IQCK: variants seen among roughly 807,000 people sequenced by gnomAD.
IQCK encodes IQ motif containing K, also known as IQ domain-containing protein K.
In IQCK, 29 loss-of-function variants were observed where a neutral mutation model predicts 28.1. The observed-to-expected ratio is 1.03, with a 90% CI of 0.77 to 1.41. The LOEUF is 1.41. IQCK is among the 40% of genes most tolerant of loss of function. The pLI is 0.00. For missense variants in IQCK, 359 were observed against 314.7 expected, an observed-to-expected ratio of 1.14 and a Z score of -1.07; for synonymous variants, 113 against 115.1, an observed-to-expected ratio of 0.98 and a Z score of 0.12.
intron 2 of IQCK, among the ~76,000 whole-genome samples, chr16:19,731,164 G>T (rs573541931): frequency 3.9e-4 from 59 of 152,324 alleles, no homozygotes; most frequent in African/African-American, 1.3e-3. Flanking sequence ...GTTGCAGACA[G>T]ACCAAGTTTC....
chr16:19,756,533 T>G (rs2055054546), intron 4 of IQCK, among the ~76,000 whole-genome samples: 1 of 152,110 alleles, frequency 6.6e-6, no homozygotes, highest in Non-Finnish European at 1.5e-5. Flanking sequence ...GGTAGAGCCT[T>G]TGGGAGGTGA....
intron 7 of IQCK, among the ~76,000 whole-genome samples, chr16:19,822,853 T>C (rs970723190): frequency 3.9e-5 from 6 of 152,284 alleles, no homozygotes; most frequent in African/African-American, 1.4e-4. Context: ...TTATGCTACG[T>C]GTATTTGACC....
chr16:19,770,646 A>G (rs1325287566), intron 6 of IQCK, among the ~76,000 whole-genome samples: 1 of 151,664 alleles, frequency 6.6e-6, no homozygotes, highest in Non-Finnish European at 1.5e-5. Flanking sequence ...GGGGGGTGAC[A>G]GGGTCTAACT....
intron 4 of IQCK, among the ~76,000 whole-genome samples, chr16:19,738,077 T>C (rs1406113670): frequency 6.6e-6 from 1 of 152,246 alleles, no homozygotes; most frequent in Non-Finnish European, 1.5e-5. Flanking sequence ...ATTTTATGCA[T>C]GTCTGTCTCC....
chr16:19,780,018 CTTATTTATTTATTTAT>C (rs57997707), intron 6 of IQCK, among the ~76,000 whole-genome samples: 145 of 128,916 alleles, frequency 1.1e-3, no homozygotes, highest in African/African-American at 3.9e-3. Flanking sequence ...CGTGCCCAGC[CTTATTTATTTATTTAT>C]TTATTTATTT....
At chr16:19,826,980 C>A in intron 7 of IQCK, 46 bp from the exon 8 acceptor site, 1 of 1,226,550 alleles carries the variant, frequency 8.2e-7, no homozygotes, top group Non-Finnish European at 1.2e-6. Context: ...AGCTAGTGTA[C>A]AGAAGTGTGT....
chr16:19,809,881 C>T (rs1317292143), intron 7 of IQCK, among the ~76,000 whole-genome samples: 1 of 152,158 alleles, frequency 6.6e-6, no homozygotes, highest in African/African-American at 2.4e-5. Flanking sequence ...CAGATGCTGC[C>T]AGTCTACGGA....
Position 19,740,983 on chromosome 16 carries a change from A to G in IQCK, c.474+5533A>G, listed in dbSNP as rs1006639013. Among the ~76,000 whole-genome samples, 3 of 150,890 alleles carry G rather than the reference A, an allele frequency of 2.0e-5. No homozygotes were observed. In the South Asian group the frequency reaches 6.3e-4, roughly 32 times the overall value. On this transcript the variant is annotated intron_variant, in intron 4 of 7. Transcript: ENST00000564186. ...ACTCCATCTAAAAAAAAAAAAAAAAAGAATATCTACAAGCAGGATGAAGCA... is the reference window on the plus strand; with the variant it reads ...ACTCCATCTAAAAAAAAAAAAAAAAGGAATATCTACAAGCAGGATGAAGCA...
At chr16:19,850,358 G>A (rs2056467385) in intron 9 of IQCK, among the ~76,000 whole-genome samples, 1 of 152,128 alleles carries the variant, frequency 6.6e-6, no homozygotes, top group Non-Finnish European at 1.5e-5. Context: ...TAAAACTGGG[G>A]AAAATAATAG....
intron 7 of IQCK, among the ~76,000 whole-genome samples, chr16:19,820,331 A>G (rs1255384073): frequency 6.6e-6 from 1 of 152,174 alleles, no homozygotes; most frequent in African/African-American, 2.4e-5. Flanking sequence ...AGCCTGGCCA[A>G]CATGGCAAAA....
chr16:19,728,711 GAT>G lies in IQCK; in HGVS notation c.182-1717_182-1716del, dbSNP rs559934844. ...GACTCCTGACTCAGGGGAATTATGA[GAT>G]AATAAATTTGTGTTCCTTTATGTCA... On this transcript the variant is annotated intron_variant, in intron 1 of 7. Transcript: ENST00000564186. 9.5e-4 allele frequency among the ~76,000 whole-genome samples: 144 copies of G among 152,304 alleles called. 2 individuals carry two copies. Among genetic ancestry groups the G allele is most frequent in the African/African-American group, 3.4e-3 (142 of 41,572 alleles).
intron 9 of IQCK, among the ~76,000 whole-genome samples, chr16:19,840,745 A>AC (rs1157974866): frequency 1.3e-5 from 2 of 152,172 alleles, no homozygotes; most frequent in African/African-American, 4.8e-5. Flanking sequence ...ACATAGCAGA[A>AC]CCAAGCAGCT....
In IQCK at chr16:19,826,911, A is replaced by T; in HGVS notation, c.691-115A>T. 3 of 713,096 alleles carry T rather than the reference A, an allele frequency of 4.2e-6. No homozygotes were observed. In the South Asian group the frequency reaches 5.0e-5, roughly 12 times the overall value. The allele number at this position is 713,096 out of a possible 1,614,324, so 44.2% of individuals were successfully genotyped here. A position where few individuals can be genotyped will look rare whatever the true frequency, so the allele number is the denominator to read the frequency against. ...AATAATTCATTTAGGACGATGATTC[A>T]TTGAGAATCAAAAGTACATCCAACT... On this transcript the variant is annotated intron_variant, in intron 7 of 7. Coordinates refer to ENST00000564186, the Ensembl canonical transcript of IQCK.
At chr16:19,810,313 G>A (rs552933070) in intron 7 of IQCK, among the ~76,000 whole-genome samples, 76 of 151,330 alleles carry the variant, frequency 5.0e-4, no homozygotes, top group Non-Finnish European at 8.1e-4. Context: ...TGGCTAACAC[G>A]GTGAAACCCT....
chr16:19,786,647 G>A (rs62025024), intron 6 of IQCK, among the ~76,000 whole-genome samples: 20,674 of 139,956 alleles, frequency 0.15, 1,852 homozygotes, highest in South Asian at 0.25. Context: ...GCAGTGAGCC[G>A]AGATTATGCC....
At chr16:19,808,171 G>C (rs1050754747) in intron 7 of IQCK, among the ~76,000 whole-genome samples, 2 of 152,138 alleles carry the variant, frequency 1.3e-5, no homozygotes, top group Admixed American at 1.3e-4. Context: ...TATAAATAGT[G>C]GATTTGGGCT....
At chr16:19,743,464 A>G (rs2054865217) in intron 4 of IQCK, among the ~76,000 whole-genome samples, 2 of 152,250 alleles carry the variant, frequency 1.3e-5, no homozygotes, top group East Asian at 3.9e-4. Context: ...AGAGTAGAGC[A>G]AGAGGCTAGG....
chr16:19,842,723 G>A (rs964246874), intron 9 of IQCK, among the ~76,000 whole-genome samples: 4 of 152,134 alleles, frequency 2.6e-5, no homozygotes, highest in Non-Finnish European at 4.4e-5. Flanking sequence ...CGTCTTAAAC[G>A]CTATAGTTAG....
At chr16:19,846,948 C>T (rs1306261828) in intron 9 of IQCK, among the ~76,000 whole-genome samples, 1 of 152,002 alleles carries the variant, frequency 6.6e-6, no homozygotes, top group African/African-American at 2.4e-5. Flanking sequence ...AATTCTTACT[C>T]CAAGGTGGTG....
Sources: gnomAD v4.1 joint callset for allele counts (sites outside exome capture counted in the v4.1 genomes callset) on GRCh38, gnomAD v4.1.1 for gene constraint, MANE v1.5 for transcripts, NCBI Gene and HGNC (gene_info 2026-07-23, HGNC 2026-07-21) for gene names.